Variants in SLC14A2 observed in about 807,000 individuals in gnomAD.
SLC14A2 encodes urea transporter 2.
SLC14A2 carries 91 observed loss-of-function variants against 104.6 expected under a neutral mutation model. That is an observed-to-expected ratio of 0.87 (90% CI 0.73 to 1.04). The LOEUF is 1.04. Ranked by LOEUF, SLC14A2 falls within the 50% of genes least tolerant of loss-of-function variation. The pLI, the probability that SLC14A2 is intolerant of heterozygous loss-of-function variation, is 0.00. For synonymous variants in SLC14A2, 476 were observed against 466.4 expected (o/e 1.02, Z -0.27); for missense variants, 1,189 against 1,156.0 (o/e 1.03, Z -0.41).
intron 1 of SLC14A2, among the ~76,000 whole-genome samples, chr18:45,231,195 TA>T (rs1342544077): frequency 6.6e-6 from 1 of 150,850 alleles, no homozygotes; most frequent in Admixed American, 6.6e-5. Flanking sequence ...ATACTTTTTT[TA>T]TTTTTTATTT....
intron 1 of SLC14A2, among the ~76,000 whole-genome samples, chr18:45,332,992 C>G (rs1195155786): frequency 6.6e-6 from 1 of 152,176 alleles, no homozygotes; most frequent in Non-Finnish European, 1.5e-5. Flanking sequence ...CATAAAAATG[C>G]AGCTGGGGTA....
At chr18:45,393,020 C>G (rs1041024682) in intron 1 of SLC14A2, among the ~76,000 whole-genome samples, 1 of 152,104 alleles carries the variant, frequency 6.6e-6, no homozygotes, top group African/African-American at 2.4e-5. Flanking sequence ...ATGATCACAA[C>G]CAATATTTCA....
At chr18:45,598,317 C>T (rs2044741755) in intron 2 of SLC14A2, among the ~76,000 whole-genome samples, 1 of 151,948 alleles carries the variant, frequency 6.6e-6, no homozygotes, top group Admixed American at 6.6e-5. Flanking sequence ...ACATTCAAGA[C>T]CCGAGGGCTT....
chr18:45,595,172 T>A (rs1321938556), intron 2 of SLC14A2, among the ~76,000 whole-genome samples: 2 of 152,188 alleles, frequency 1.3e-5, no homozygotes, highest in East Asian at 3.8e-4. Context: ...AATAGTATGC[T>A]TTACACCCTT....
chr18:45,560,774 C>T (rs1385700500), intron 2 of SLC14A2, among the ~76,000 whole-genome samples: 1 of 152,152 alleles, frequency 6.6e-6, no homozygotes, highest in African/African-American at 2.4e-5. Context: ...CATACCCTCA[C>T]CTCTTTCATG....
chr18:45,307,226 G>T (rs370928304), intron 1 of SLC14A2, among the ~76,000 whole-genome samples: 1 of 151,922 alleles, frequency 6.6e-6, no homozygotes, highest in Non-Finnish European at 1.5e-5. Context: ...AAACCAGCCT[G>T]GCCAACATGG....
the SLC14A2 span, among the ~76,000 whole-genome samples, chr18:45,190,041 A>G: frequency 6.6e-6 from 1 of 152,202 alleles, no homozygotes; most frequent in African/African-American, 2.4e-5. Context: ...CCTGAACAGG[A>G]CACAGGTCTG....
chr18:45,518,077 T>G (rs960342838), intron 2 of SLC14A2, among the ~76,000 whole-genome samples: 1 of 152,234 alleles, frequency 6.6e-6, no homozygotes, highest in African/African-American at 2.4e-5. Flanking sequence ...GTCTGTTTCC[T>G]ACTTCATTTT....
intron 17 of SLC14A2, among the ~76,000 whole-genome samples, 170 bp from the exon 18 acceptor site, chr18:45,673,513 A>G (rs2046175881): frequency 6.6e-6 from 1 of 152,138 alleles, no homozygotes; most frequent in South Asian, 2.1e-4. Context: ...CTCTATGGCC[A>G]TTTGTTTCCT....
intron 1 of SLC14A2, among the ~76,000 whole-genome samples, chr18:45,411,609 C>G (rs2086216557): frequency 6.6e-6 from 1 of 152,108 alleles, no homozygotes; most frequent in African/African-American, 2.4e-5. Flanking sequence ...AAACATACAC[C>G]CAGTTTCCGA....
intron 1 of SLC14A2, among the ~76,000 whole-genome samples, chr18:45,257,608 A>G (rs2084493008): frequency 6.6e-6 from 1 of 152,142 alleles, no homozygotes; most frequent in Non-Finnish European, 1.5e-5. Context: ...TTTCCAATTG[A>G]TTTCTTTATT....
intron 2 of SLC14A2, chr18:45,493,344 G>C (rs1378124060): frequency 4.3e-4 from 66 of 152,200 alleles, no homozygotes; most frequent in Admixed American, 4.3e-3. Context: ...GGGCAGAGGA[G>C]CCCCAAGTCA....
At chr18:45,183,673 T>G in the SLC14A2 span, among the ~76,000 whole-genome samples, 43 of 151,802 alleles carry the variant, frequency 2.8e-4, no homozygotes, top group African/African-American at 9.9e-4. Context: ...TTTTCTGTCT[T>G]TCTTTCTTTC....
intron 1 of SLC14A2, among the ~76,000 whole-genome samples, chr18:45,335,885 G>A (rs1435932521): frequency 6.6e-6 from 1 of 152,124 alleles, no homozygotes; most frequent in African/African-American, 2.4e-5. Context: ...ATTCTTGCTG[G>A]TTCCCTGGCC....
At chr18:45,240,879 C>T (rs1342122781) in intron 1 of SLC14A2, among the ~76,000 whole-genome samples, 1 of 151,868 alleles carries the variant, frequency 6.6e-6, no homozygotes, top group African/African-American at 2.4e-5. Context: ...AGGCTGGTCT[C>T]GAACACCTGA....
intron 1 of SLC14A2, among the ~76,000 whole-genome samples, chr18:45,223,830 G>T (rs2084087492): frequency 6.6e-6 from 1 of 152,180 alleles, no homozygotes; most frequent in Admixed American, 6.5e-5. Context: ...AGACTCTTCT[G>T]AGCTGAAGTT....
At chr18:45,544,362 T>C (rs1007143691) in intron 2 of SLC14A2, among the ~76,000 whole-genome samples, 1 of 152,236 alleles carries the variant, frequency 6.6e-6, no homozygotes, top group Non-Finnish European at 1.5e-5. Context: ...GTATATACAG[T>C]ACTAGTAATA....
the SLC14A2 span, among the ~76,000 whole-genome samples, chr18:45,187,583 G>A: frequency 8.5e-5 from 13 of 152,156 alleles, no homozygotes; most frequent in African/African-American, 1.9e-4. Flanking sequence ...ATTGAGAGAC[G>A]CTTTGATCAT....
chr18:45,559,774 C>T (rs185700263), intron 2 of SLC14A2, among the ~76,000 whole-genome samples: 16 of 152,328 alleles, frequency 1.1e-4, no homozygotes, highest in Admixed American at 7.2e-4. Context: ...TACTAACATC[C>T]AAGAGACTGC....
Sources: gnomAD v4.1 joint callset for allele counts (sites outside exome capture counted in the v4.1 genomes callset) on GRCh38, gnomAD v4.1.1 for gene constraint, MANE v1.5 for transcripts, NCBI Gene and HGNC (gene_info 2026-07-23, HGNC 2026-07-21) for gene names.